The following DLGAP2 variants were observed in gnomAD, a reference collection of about 807,000 sequenced individuals.
The protein encoded by DLGAP2 is disks large-associated protein 2.
DLGAP2 carries 26 observed loss-of-function variants against 100.3 expected under a neutral mutation model. The ratio of observed to expected loss-of-function variants is 0.26; its 90% CI spans 0.19 to 0.36. The LOEUF (loss-of-function observed/expected upper bound fraction) is 0.36, where lower values mean the gene tolerates loss of function less well. DLGAP2 is among the 10% of genes least tolerant of loss of function. The pLI, the probability that DLGAP2 is intolerant of heterozygous loss-of-function variation, is 1.00. For synonymous variants in DLGAP2, 886 were observed against 630.1 expected (o/e 1.41, Z -6.08); for missense variants, 1,858 against 1,453.2 (o/e 1.28, Z -4.53).
intron 3 of DLGAP2, among the ~76,000 whole-genome samples, chr8:1,464,811 T>C (rs1486280047): frequency 6.6e-6 from 1 of 152,188 alleles, no homozygotes; most frequent in African/African-American, 2.4e-5. Flanking sequence ...GCCATCAGAT[T>C]GCAGCAGGAT....
chr8:822,495 G>A (rs999956680), intron 1 of DLGAP2, among the ~76,000 whole-genome samples: 1 of 152,218 alleles, frequency 6.6e-6, no homozygotes. Context: ...TGTTTCTGCT[G>A]TTATCATTGG....
intron 2 of DLGAP2, among the ~76,000 whole-genome samples, chr8:930,649 C>G (rs557414194): frequency 6.6e-6 from 1 of 152,098 alleles, no homozygotes; most frequent in East Asian, 1.9e-4. Context: ...GTGTGGGACA[C>G]AGGCTGTGGG....
At chr8:1,350,740 G>A (rs200648277) in intron 3 of DLGAP2, among the ~76,000 whole-genome samples, 89 of 82,784 alleles carry the variant, frequency 1.1e-3, no homozygotes, top group African/African-American at 4.0e-3. Context: ...GGTCCTGAGT[G>A]TGTGTGGAAA....
At chr8:801,002 C>T in intron 1 of DLGAP2, among the ~76,000 whole-genome samples, 1 of 152,108 alleles carries the variant, frequency 6.6e-6, no homozygotes, top group East Asian at 1.9e-4. Context: ...CAGCCTGATA[C>T]ACCTTCAATG....
At chr8:1,203,014 C>G (rs555665335) in intron 2 of DLGAP2, among the ~76,000 whole-genome samples, 32 of 152,312 alleles carry the variant, frequency 2.1e-4, no homozygotes, top group African/African-American at 7.5e-4. Context: ...CGCCACCACC[C>G]CATCCATCTG....
At chr8:1,527,091 C>T (rs552689456) in intron 4 of DLGAP2, among the ~76,000 whole-genome samples, 6 of 152,294 alleles carry the variant, frequency 3.9e-5, no homozygotes, top group East Asian at 1.9e-4. Flanking sequence ...CAAGCCCACC[C>T]GTTACCACAG....
At chr8:1,044,652 A>G (rs956750415) in intron 2 of DLGAP2, among the ~76,000 whole-genome samples, 1 of 152,180 alleles carries the variant, frequency 6.6e-6, no homozygotes, top group Non-Finnish European at 1.5e-5. Context: ...TTCTCAGTAG[A>G]TGACTTCGAT....
At chr8:1,051,174 A>C (rs1328524944) in intron 2 of DLGAP2, among the ~76,000 whole-genome samples, 1 of 152,098 alleles carries the variant, frequency 6.6e-6, no homozygotes, top group East Asian at 1.9e-4. Flanking sequence ...CTTCCTGGGC[A>C]ACATTGTCAG....
intron 3 of DLGAP2, among the ~76,000 whole-genome samples, chr8:1,291,525 C>T (rs996947633): frequency 3.9e-5 from 6 of 152,174 alleles, no homozygotes; most frequent in South Asian, 2.1e-4. Flanking sequence ...GCCCATGACA[C>T]AGAGGGTTTT....
At chr8:1,275,753 AATATATAAAAATATATATT>A (rs1407107472) in intron 3 of DLGAP2, among the ~76,000 whole-genome samples, 6 of 133,654 alleles carry the variant, frequency 4.5e-5, no homozygotes, top group Admixed American at 9.0e-5. Context: ...TATATAAATA[AATATATAAAAATATATATT>A]ATATATAAAA....
At chr8:1,639,793 G>C (rs1797854322) in intron 8 of DLGAP2, among the ~76,000 whole-genome samples, 1 of 152,190 alleles carries the variant, frequency 6.6e-6, no homozygotes, top group African/African-American at 2.4e-5. Flanking sequence ...GCCGTCCTTG[G>C]CTGCGGGCCA....
At chr8:1,253,541 T>G (rs1799099551) in intron 2 of DLGAP2, among the ~76,000 whole-genome samples, 1 of 152,228 alleles carries the variant, frequency 6.6e-6, no homozygotes, top group Non-Finnish European at 1.5e-5. Flanking sequence ...TGCTGCAGTT[T>G]CCTCTTTTCT....
Position 1,626,764 on chromosome 8 carries a change from C to G in DLGAP2, c.1467C>G (p.Ser489Arg). ...HQTQTYLQAA[S>R]DVPVGHSLDP... ...GCCAGACCTACCTGCAAGCTGCAAGCGATGTGCCTGTGGGACACAGCCTGG... is the reference window on the plus strand; with the variant it reads ...GCCAGACCTACCTGCAAGCTGCAAGGGATGTGCCTGTGGGACACAGCCTGG... Residue 489 changes from serine to arginine, a missense_variant, in exon 7 of 15, where the codon AGC becomes AGG. Transcript: ENST00000637795. 1 of 1,603,806 alleles carries G rather than the reference C, an allele frequency of 6.2e-7. No individual in the cohort carries two copies. Among genetic ancestry groups the G allele is most frequent in the Non-Finnish European group, 8.5e-7 (1 of 1,175,538 alleles).
chr8:874,929 C>A (rs1234514646), intron 1 of DLGAP2, among the ~76,000 whole-genome samples: 7 of 152,140 alleles, frequency 4.6e-5, no homozygotes, highest in Admixed American at 3.3e-4. Context: ...TCTACATATG[C>A]ATACACACAT....
chr8:1,492,883 C>T (rs1006549294), intron 3 of DLGAP2, among the ~76,000 whole-genome samples: 17 of 152,154 alleles, frequency 1.1e-4, no homozygotes, highest in African/African-American at 4.1e-4. Flanking sequence ...AAGACAGGCA[C>T]CTCCACACCT....
rs747394742 is a variant in DLGAP2 at position 900,309 on chromosome 8, G to A, written c.19-7603G>A. On this transcript the variant is annotated intron_variant, in intron 1 of 14. Coordinates refer to ENST00000637795, the MANE Select transcript of DLGAP2 (RefSeq NM_001346810.2). ...CGTCGCTCCCGGGCGGACGGTGGGC[G>A]CCCTCCTCTTCACGGTGTCGCTCCC... Among the ~76,000 whole-genome samples, 13 of 150,172 alleles carry A rather than the reference G, an allele frequency of 8.7e-5. No individual in the cohort carries two copies. The East Asian group carries it at 1.0e-3, about 12-fold the overall frequency.
intron 3 of DLGAP2, among the ~76,000 whole-genome samples, chr8:1,445,406 A>G (rs1271676347): frequency 6.6e-6 from 1 of 151,792 alleles, no homozygotes; most frequent in Non-Finnish European, 1.5e-5. Flanking sequence ...ATGTCCCTAC[A>G]AAGGACATGA....
intron 6 of DLGAP2, among the ~76,000 whole-genome samples, chr8:1,600,167 A>G (rs1030359111): frequency 6.6e-6 from 1 of 152,058 alleles, no homozygotes; most frequent in Non-Finnish European, 1.5e-5. Context: ...CTGGGTTGAA[A>G]ATTCTTTTTT....
intron 3 of DLGAP2, among the ~76,000 whole-genome samples, chr8:1,451,059 G>A (rs917624212): frequency 6.6e-5 from 10 of 152,108 alleles, no homozygotes; most frequent in African/African-American, 1.9e-4. Context: ...TGGTCCCTAC[G>A]GTGGTTTTAA....
Sources: gnomAD v4.1 joint callset for allele counts (sites outside exome capture counted in the v4.1 genomes callset) on GRCh38, gnomAD v4.1.1 for gene constraint, MANE v1.5 for transcripts, NCBI Gene and HGNC (gene_info 2026-07-23, HGNC 2026-07-21) for gene names.